The following ITIH5 variants were observed in gnomAD, a reference collection of about 807,000 sequenced individuals.
ITIH5 encodes inter-alpha-trypsin inhibitor heavy chain H5.
In ITIH5, 65 loss-of-function variants were observed where a neutral mutation model predicts 77.5. That is an observed-to-expected ratio of 0.84 (90% CI 0.69 to 1.03). The LOEUF (loss-of-function observed/expected upper bound fraction) is 1.03, where lower values mean the gene tolerates loss of function less well. Among genes scored for constraint, ITIH5 ranks in the 50% least tolerant of loss-of-function variants. The pLI, the probability that ITIH5 is intolerant of heterozygous loss-of-function variation, is 0.00. For missense variants in ITIH5, 1,208 were observed against 1,213.1 expected, an observed-to-expected ratio of 1.00 and a Z score of 0.06; for synonymous variants, 525 against 494.3, an observed-to-expected ratio of 1.06 and a Z score of -0.82.
intron 8 of ITIH5, among the ~76,000 whole-genome samples, chr10:7,580,603 C>T (rs942435664): frequency 6.6e-6 from 1 of 152,196 alleles, no homozygotes; most frequent in African/African-American, 2.4e-5. Flanking sequence ...CCTTAGCTTA[C>T]CTGAGCTTCA....
chr10:7,575,035 C>G (rs1021568795), intron 10 of ITIH5, among the ~76,000 whole-genome samples: 1 of 152,164 alleles, frequency 6.6e-6, no homozygotes, highest in Non-Finnish European at 1.5e-5. Flanking sequence ...TTAATCACAA[C>G]AAAAATTGTG....
intron 11 of ITIH5, among the ~76,000 whole-genome samples, chr10:7,571,201 A>G (rs1174268176): frequency 1.3e-5 from 2 of 152,008 alleles, no homozygotes; most frequent in African/African-American, 2.4e-5. Context: ...TGATGGGGAA[A>G]AACTGACCCC....
At chr10:7,573,098 A>G (rs372258566) in intron 11 of ITIH5, 44 bp downstream of exon 11, 3 of 1,578,086 alleles carry the variant, frequency 1.9e-6, no homozygotes, top group South Asian at 2.2e-5. Context: ...CTTTTTAAAC[A>G]TCTCTTACTC....
chr10:7,628,837 CTGTTG>C (rs1833641116), intron 5 of ITIH5, among the ~76,000 whole-genome samples: 1 of 85,558 alleles, frequency 1.2e-5, no homozygotes. Flanking sequence ...GCGTGTGTCC[CTGTTG>C]TAGCGTGTGT....
chr10:7,629,369 G>A (rs201623955), intron 5 of ITIH5, among the ~76,000 whole-genome samples: 1,800 of 123,764 alleles, frequency 0.015, 213 homozygotes, highest in East Asian at 0.068. Flanking sequence ...CTGTTGTAGC[G>A]TGTGTCCATG....
At chr10:7,573,079 G>T in intron 11 of ITIH5, 63 bp downstream of exon 11, 1 of 1,501,156 alleles carries the variant, frequency 6.7e-7, no homozygotes, top group Non-Finnish European at 9.3e-7. Context: ...CACCTGGCCT[G>T]GTTTTACACT....
chr10:7,609,495 C>T (rs1325857726), intron 7 of ITIH5: 1 of 456,644 alleles, frequency 2.2e-6, no homozygotes, highest in Non-Finnish European at 4.4e-6. Flanking sequence ...AACCAATGTC[C>T]TAGAGCATAA....
chr10:7,653,524 T>C (rs1834133938), intron 2 of ITIH5, among the ~76,000 whole-genome samples: 1 of 152,102 alleles, frequency 6.6e-6, no homozygotes, highest in Non-Finnish European at 1.5e-5. Flanking sequence ...AAAATGTATA[T>C]GCAGTTTGAA....
rs1049377394 is a variant in ITIH5 at position 7,646,975 on chromosome 10, T to G, written c.136-4885A>C. ...CAGAGGGCACAGACCCCCATCTCCATGGGAGGAATGGCACATTCAAGTGCT... is the reference window on the plus strand; with the variant it reads ...CAGAGGGCACAGACCCCCATCTCCAGGGGAGGAATGGCACATTCAAGTGCT... On this transcript the variant is annotated intron_variant, in intron 2 of 13. Transcript: ENST00000397146. Among the ~76,000 whole-genome samples the G allele has an allele frequency of 3.9e-5, 6 of 152,302 alleles. No homozygotes were observed. In the East Asian group the frequency reaches 7.7e-4, roughly 20 times the overall value.
At chr10:7,613,934 A>T (rs1046399193) in intron 7 of ITIH5, among the ~76,000 whole-genome samples, 1 of 152,170 alleles carries the variant, frequency 6.6e-6, no homozygotes, top group African/African-American at 2.4e-5. Context: ...GTAATCCCAG[A>T]TTTTTATTCC....
chr10:7,629,131 T>TGGC (rs1407631127), intron 5 of ITIH5, among the ~76,000 whole-genome samples: 3 of 139,742 alleles, frequency 2.1e-5, no homozygotes, highest in African/African-American at 7.5e-5. Context: ...GTCCGTGTTG[T>TGGC]AGCATGTGTC....
At chr10:7,619,540 G>C in intron 5 of ITIH5, 1 of 322,008 alleles carries the variant, frequency 3.1e-6, no homozygotes, top group South Asian at 2.5e-5. Flanking sequence ...AAGTACCTGA[G>C]ACTGGGTAGT....
intron 11 of ITIH5, 90 bp downstream of exon 11, chr10:7,573,052 A>T: frequency 8.1e-7 from 1 of 1,238,038 alleles, no homozygotes; most frequent in Non-Finnish European, 1.2e-6. Flanking sequence ...TGCTGGGATT[A>T]CAGGCGTGAG....
At chr10:7,660,412 G>T (rs1834257945) in intron 1 of ITIH5, among the ~76,000 whole-genome samples, 2 of 152,112 alleles carry the variant, frequency 1.3e-5, no homozygotes, top group Admixed American at 6.5e-5. Context: ...CAACTTCATA[G>T]ACCTGCACCT....
At chr10:7,585,082 A>T (rs1044274214) in intron 8 of ITIH5, among the ~76,000 whole-genome samples, 2 of 152,206 alleles carry the variant, frequency 1.3e-5, no homozygotes, top group Non-Finnish European at 2.9e-5. Flanking sequence ...ATGTTTCCAG[A>T]TAACTGAAGT....
intron 8 of ITIH5, among the ~76,000 whole-genome samples, chr10:7,584,991 G>T (rs1832644082): frequency 6.6e-6 from 1 of 152,186 alleles, no homozygotes; most frequent in East Asian, 1.9e-4. Context: ...GGAAATGAGG[G>T]CTTTGTCTTG....
chr10:7,589,708 G>C (rs910466852), intron 7 of ITIH5, among the ~76,000 whole-genome samples: 1 of 151,750 alleles, frequency 6.6e-6, no homozygotes, highest in African/African-American at 2.4e-5. Flanking sequence ...TGACTGCAGC[G>C]GTTTCCCGTC....
At chr10:7,586,513 A>G (rs1292479048) in intron 7 of ITIH5, among the ~76,000 whole-genome samples, 1 of 152,168 alleles carries the variant, frequency 6.6e-6, no homozygotes, top group Non-Finnish European at 1.5e-5. Flanking sequence ...CCCTCAATGC[A>G]TTCCTATTAT....
Position 7,666,802 on chromosome 10 carries a change from C to A in ITIH5, c.90+1G>T. ...ACCCGGCTCCCCTCGGCTCCACTTA[C>A]CTGCTCCGAAGAGTGGCCCCAGCTC... is the stretch of plus-strand genomic sequence containing the variant. On this transcript the variant is annotated splice_donor_variant, in intron 1 of 13. Transcript: ENST00000397146. LOFTEE classifies it high-confidence loss of function. 1 of 1,605,532 alleles carries A rather than the reference C, an allele frequency of 6.2e-7. No homozygotes were observed. The highest frequency in any genetic ancestry group is 8.5e-7 in the Non-Finnish European group (1 of 1,176,776).
Sources: allele counts gnomAD v4.1 joint callset (sites outside exome capture counted in the v4.1 genomes callset), GRCh38; gene constraint gnomAD v4.1.1; transcripts MANE v1.5; gene names NCBI Gene and HGNC (gene_info 2026-07-23, HGNC 2026-07-21).